The following HPSE2 variants were observed in gnomAD, a reference collection of about 807,000 sequenced individuals.
The protein encoded by HPSE2 is inactive heparanase-2.
A neutral mutation model predicts 60.5 loss-of-function variants in HPSE2; 38 were observed. The observed-to-expected ratio is 0.63, with a 90% CI of 0.48 to 0.82. HPSE2 has a LOEUF of 0.82. Among genes scored for constraint, HPSE2 ranks in the 40% least tolerant of loss-of-function variants. HPSE2 has a pLI of 0.00. For missense variants in HPSE2, 713 were observed against 740.4 expected (o/e 0.96, Z 0.43); for synonymous variants, 295 against 293.2 (o/e 1.01, Z -0.06).
intron 6 of HPSE2, among the ~76,000 whole-genome samples, chr10:98,681,057 C>G (rs114026957): frequency 7.2e-6 from 1 of 139,640 alleles, no homozygotes. Flanking sequence ...AGCCACCATG[C>G]CTGTCCCTGA....
chr10:99,117,443 A>C (rs1486071981), intron 3 of HPSE2, among the ~76,000 whole-genome samples: 4 of 115,190 alleles, frequency 3.5e-5, no homozygotes, highest in South Asian at 6.2e-4. Flanking sequence ...AAAAAAAAAA[A>C]AAAAAACTAA....
intron 9 of HPSE2, among the ~76,000 whole-genome samples, chr10:98,544,318 C>T (rs999285277): frequency 1.4e-4 from 22 of 152,144 alleles, no homozygotes; most frequent in African/African-American, 5.1e-4. Flanking sequence ...ATCTCTGGGA[C>T]ACATTCAAAG....
intron 2 of HPSE2, among the ~76,000 whole-genome samples, chr10:99,221,054 T>C (rs1029636772): frequency 1.3e-4 from 20 of 151,742 alleles, no homozygotes; most frequent in African/African-American, 4.8e-4. Flanking sequence ...CATGTTGGCC[T>C]GGCTGGTCTC....
In HPSE2 at chr10:98,731,537, GCAA is replaced by G. The variant is rs917624376; in HGVS notation, c.785-9712_785-9710del. 4.8e-4 allele frequency among the ~76,000 whole-genome samples: 73 copies of G among 152,244 alleles called. 1 individual carries two copies. The highest frequency in any genetic ancestry group is 1.7e-3 in the African/African-American group (69 of 41,546). On this transcript the variant is annotated intron_variant, in intron 4 of 11. Transcript: ENST00000370552. Reference sequence around the variant, plus strand: ...AAACTAAATTATCATCTCAATAGCTGCAACAACACCACCAAAACTCATCTGACA... The same window carrying G: ...AAACTAAATTATCATCTCAATAGCTGCAACACCACCAAAACTCATCTGACA...
the HPSE2 span, among the ~76,000 whole-genome samples, chr10:99,298,329 A>G: frequency 1.3e-5 from 2 of 152,242 alleles, no homozygotes; most frequent in Non-Finnish European, 2.9e-5. Context: ...CTTGCTATCA[A>G]TAGAAAGTGG....
At chr10:98,631,290 C>T (rs886662792) in intron 7 of HPSE2, among the ~76,000 whole-genome samples, 15 of 152,002 alleles carry the variant, frequency 9.9e-5, no homozygotes, top group African/African-American at 3.6e-4. Flanking sequence ...TAAGGACATA[C>T]ACAAAAAAGA....
chr10:99,235,578 A>G lies in HPSE2; in HGVS notation c.225T>C (p.Asn75=), dbSNP rs1247851382. ...VSTKNPVRTV[N]ENFLSLQLDP... ...CCAGCTGCAGAGAGAGGAAGTTCTC[A>G]TTGACTGTCCTGACTGGGTTCTTGG... The change falls in exon 1 of 12, where the codon AAT becomes AAC. Residue 75 remains asparagine (N), a synonymous_variant. Transcript: ENST00000370552. 6.2e-7 allele frequency: 1 copy of G among 1,613,988 alleles called. No individual in the cohort carries two copies. Among genetic ancestry groups the G allele is most frequent in the African/African-American group, 1.3e-5 (1 of 74,920 alleles).
intron 3 of HPSE2, among the ~76,000 whole-genome samples, chr10:99,087,740 C>A (rs1473903439): frequency 6.6e-6 from 1 of 152,032 alleles, no homozygotes; most frequent in Non-Finnish European, 1.5e-5. Flanking sequence ...GGATCTACCC[C>A]CTATTTAAAG....
intron 2 of HPSE2, among the ~76,000 whole-genome samples, chr10:99,149,501 G>A (rs1431831575): frequency 6.6e-6 from 1 of 152,136 alleles, no homozygotes; most frequent in East Asian, 1.9e-4. Context: ...ATCTCTCAAT[G>A]CATTTCCTAA....
chr10:99,245,753 A>G, the HPSE2 span, among the ~76,000 whole-genome samples: 2 of 152,342 alleles, frequency 1.3e-5, no homozygotes, highest in South Asian at 4.1e-4. Context: ...TATATTCCCT[A>G]AGAGCCAGTA....
intron 3 of HPSE2, among the ~76,000 whole-genome samples, chr10:98,799,516 A>T (rs1351556787): frequency 6.6e-6 from 1 of 152,226 alleles, no homozygotes; most frequent in Non-Finnish European, 1.5e-5. Flanking sequence ...GATCATTCTC[A>T]AGGATAGACT....
intron 3 of HPSE2, among the ~76,000 whole-genome samples, chr10:98,958,971 C>A (rs1465233810): frequency 6.6e-6 from 1 of 152,060 alleles, no homozygotes; most frequent in African/African-American, 2.4e-5. Context: ...GCCTCAATTT[C>A]TCCATCTGAA....
intron 5 of HPSE2, among the ~76,000 whole-genome samples, chr10:98,716,740 T>C (rs11593463): frequency 0.5 from 75,634 of 151,942 alleles, 21,074 homozygotes; most frequent in South Asian, 0.74. Flanking sequence ...TAATTTCTTT[T>C]GTACATTTCC....
the HPSE2 span, among the ~76,000 whole-genome samples, chr10:99,278,070 C>A: frequency 7.4e-6 from 1 of 135,418 alleles, no homozygotes; most frequent in African/African-American, 2.9e-5. Context: ...GTACTCCAGT[C>A]TGGGAGCGAG....
the HPSE2 span, among the ~76,000 whole-genome samples, chr10:99,262,554 C>A: frequency 6.6e-6 from 1 of 152,124 alleles, no homozygotes; most frequent in Non-Finnish European, 1.5e-5. Context: ...AACCTCATCA[C>A]CCTTACCCTG....
intron 7 of HPSE2, among the ~76,000 whole-genome samples, chr10:98,641,107 G>A (rs974183198): frequency 1.3e-5 from 2 of 152,056 alleles, no homozygotes; most frequent in Admixed American, 6.6e-5. Flanking sequence ...AGACACCTAG[G>A]AACAGTGTAA....
chr10:98,589,605 C>T (rs1430134954), intron 9 of HPSE2, among the ~76,000 whole-genome samples: 1 of 152,208 alleles, frequency 6.6e-6, no homozygotes, highest in Non-Finnish European at 1.5e-5. Flanking sequence ...GACAGCCTTT[C>T]AGATGTCAGA....
At chr10:99,188,231 A>C (rs1848099408) in intron 2 of HPSE2, among the ~76,000 whole-genome samples, 2 of 152,224 alleles carry the variant, frequency 1.3e-5, no homozygotes, top group Admixed American at 1.3e-4. Flanking sequence ...AAGTGAAAGT[A>C]GCCCAACTAT....
At chr10:99,182,865 A>G (rs1847829372) in intron 2 of HPSE2, among the ~76,000 whole-genome samples, 1 of 151,858 alleles carries the variant, frequency 6.6e-6, no homozygotes, top group Non-Finnish European at 1.5e-5. Context: ...GTGTGGTGGC[A>G]GGCGCCTGTA....
Sources: allele counts gnomAD v4.1 joint callset (sites outside exome capture counted in the v4.1 genomes callset), GRCh38; gene constraint gnomAD v4.1.1; transcripts MANE v1.5; gene names NCBI Gene and HGNC (gene_info 2026-07-23, HGNC 2026-07-21).